Variants in ADAM22 observed in about 807,000 individuals in gnomAD.
ADAM22 encodes the protein ADAM metallopeptidase domain 22.
A neutral mutation model predicts 144.6 loss-of-function variants in ADAM22; 65 were observed. The observed-to-expected ratio is 0.45, with a 90% confidence interval of 0.37 to 0.55. ADAM22 has a LOEUF of 0.55. Among genes scored for constraint, ADAM22 ranks in the 20% least tolerant of loss-of-function variants. The pLI is 0.00. For missense variants in ADAM22, 974 were observed against 1,184.9 expected, an observed-to-expected ratio of 0.82 and a Z score of 2.61; for synonymous variants, 391 against 412.6, an observed-to-expected ratio of 0.95 and a Z score of 0.63.
chr7:88,011,121 C>G (rs938411972), intron 3 of ADAM22, among the ~76,000 whole-genome samples: 3 of 152,140 alleles, frequency 2.0e-5, no homozygotes, highest in Non-Finnish European at 4.4e-5. Flanking sequence ...ATTAGGAAAG[C>G]TAGTAGTTGA....
intron 3 of ADAM22, among the ~76,000 whole-genome samples, chr7:88,020,882 A>G (rs1797683359): frequency 6.6e-6 from 1 of 152,066 alleles, no homozygotes; most frequent in Non-Finnish European, 1.5e-5. Flanking sequence ...TTAGTACCCT[A>G]GTTGGGGATG....
chr7:88,091,289 A>G (rs745803553), intron 4 of ADAM22, among the ~76,000 whole-genome samples: 15 of 152,256 alleles, frequency 9.9e-5, no homozygotes, highest in Middle Eastern at 6.8e-3. Flanking sequence ...AGTTAATGAC[A>G]CTCATCTTAA....
At chr7:88,143,198 C>A in intron 15 of ADAM22, 73 bp downstream of exon 15, 1 of 1,089,382 alleles carries the variant, frequency 9.2e-7, no homozygotes, top group Non-Finnish European at 1.4e-6. Flanking sequence ...TACACATTTT[C>A]AGCTATTGAA....
chr7:87,953,925 T>C (rs1845926129), intron 2 of ADAM22, among the ~76,000 whole-genome samples: 2 of 152,286 alleles, frequency 1.3e-5, no homozygotes, highest in Admixed American at 6.5e-5. Flanking sequence ...TTGATCTTGG[T>C]TGGTTTAAAG....
At chr7:88,179,235 A>C (rs926310172) in intron 27 of ADAM22, 106 bp downstream of exon 27, 4 of 493,238 alleles carry the variant, frequency 8.1e-6, no homozygotes, top group Admixed American at 7.4e-5. Context: ...TCATTATACA[A>C]ATCAGGCCAC....
At chr7:88,045,180 G>A (rs1804285700) in intron 3 of ADAM22, among the ~76,000 whole-genome samples, 1 of 151,572 alleles carries the variant, frequency 6.6e-6, no homozygotes, top group Non-Finnish European at 1.5e-5. Context: ...ACCACACCGG[G>A]CTAATTTTTG....
At chr7:88,186,559 T>G in intron 29 of ADAM22, 56 bp from the exon 30 acceptor site, 3 of 1,152,254 alleles carry the variant, frequency 2.6e-6, no homozygotes, top group Non-Finnish European at 3.9e-6. Context: ...GTGCTGTGTA[T>G]TTTCAGATTT....
rs1018155488 is a variant in ADAM22, at chr7:88,197,968, C to T, written c.*1477C>T. 2 of 152,020 alleles carry T rather than the reference C, an allele frequency of 1.3e-5. No homozygotes were observed. Among genetic ancestry groups the T allele is most frequent in the South Asian group, 4.1e-4 (2 of 4,822 alleles). 9.4% of individuals were successfully genotyped at this position (152,020 alleles called of 1,614,324 possible). ...ATTTTAAAAGACCCTTCTTTAAAAC[C>T]AAAGTTTGATAGCTGTTATAATGGC... On this transcript the variant is annotated 3_prime_UTR_variant, in exon 32 of 32. Transcript: ENST00000413139.
intron 3 of ADAM22, among the ~76,000 whole-genome samples, chr7:88,047,447 G>A (rs778271683): frequency 6.6e-6 from 1 of 152,084 alleles, no homozygotes; most frequent in Non-Finnish European, 1.5e-5. Context: ...TCTACTGTCA[G>A]TTCTGTTTAT....
chr7:87,994,157 T>C (rs1057253769), intron 3 of ADAM22, among the ~76,000 whole-genome samples: 1 of 151,936 alleles, frequency 6.6e-6, no homozygotes, highest in Non-Finnish European at 1.5e-5. Context: ...AAATAGTTAC[T>C]GTCATTCCTT....
intron 3 of ADAM22, among the ~76,000 whole-genome samples, chr7:88,073,913 G>A (rs753266860): frequency 2.2e-4 from 33 of 152,228 alleles, no homozygotes; most frequent in South Asian, 4.1e-4. Context: ...ACAGTCATGA[G>A]TTCTGTTATG....
At chr7:88,192,765 A>G (rs1338789918) in intron 30 of ADAM22, among the ~76,000 whole-genome samples, 1 of 152,206 alleles carries the variant, frequency 6.6e-6, no homozygotes, top group East Asian at 1.9e-4. Context: ...AAGGCACAAT[A>G]TTAATATTTT....
At chr7:87,974,654 G>A (rs1206400273) in intron 2 of ADAM22, among the ~76,000 whole-genome samples, 1 of 152,182 alleles carries the variant, frequency 6.6e-6, no homozygotes, top group Non-Finnish European at 1.5e-5. Context: ...CAGTGATGCT[G>A]TATTAGTTTC....
Position 88,201,244 on chromosome 7 carries a change from A to T in ADAM22, c.*4753A>T, listed in dbSNP as rs1851183421. 6.6e-6 allele frequency: 1 copy of T among 152,184 alleles called. No homozygotes were observed. Among genetic ancestry groups the T allele is most frequent in the Non-Finnish European group, 1.5e-5 (1 of 68,022 alleles). 9.4% of individuals were successfully genotyped at this position (152,184 alleles called of 1,614,324 possible). A position where few individuals can be genotyped will look rare whatever the true frequency, so the allele number is the denominator to read the frequency against. On this transcript the variant is annotated 3_prime_UTR_variant, in exon 32 of 32. Transcript: ENST00000413139. ...TAGTACTTTTGTCCTTTATATCCCTAGGATGCTCTAGGGAGTAGAGGTGGC... is the reference window on the plus strand; with the variant it reads ...TAGTACTTTTGTCCTTTATATCCCTTGGATGCTCTAGGGAGTAGAGGTGGC...
At chr7:88,004,208 T>C (rs1344836933) in intron 3 of ADAM22, among the ~76,000 whole-genome samples, 1 of 152,188 alleles carries the variant, frequency 6.6e-6, no homozygotes, top group Non-Finnish European at 1.5e-5. Context: ...TGTTAGTCTA[T>C]CAGCTCAGTG....
intron 5 of ADAM22, among the ~76,000 whole-genome samples, chr7:88,113,119 C>CTTTTTTTTTT (rs34323035): frequency 6.3e-5 from 5 of 78,996 alleles, no homozygotes; most frequent in Non-Finnish European, 9.1e-5. Flanking sequence ...TGCCTGCCCT[C>CTTTTTTTTTT]TTTTTTTTTT....
chr7:88,013,977 CT>C (rs1221264725), intron 3 of ADAM22, among the ~76,000 whole-genome samples: 2 of 152,094 alleles, frequency 1.3e-5, no homozygotes, highest in Non-Finnish European at 1.5e-5. Flanking sequence ...AATTAATTCC[CT>C]TTTAAAATCT....
chr7:88,165,811 T>TA (rs1563371248), intron 23 of ADAM22, 21 bp from the exon 24 acceptor site: 2 of 1,542,198 alleles, frequency 1.3e-6, no homozygotes, highest in African/African-American at 2.8e-5. Flanking sequence ...ACATTTACTC[T>TA]AGCTTGATTT....
At chr7:87,942,135 A>T (rs1043143278) in intron 2 of ADAM22, among the ~76,000 whole-genome samples, 1 of 152,162 alleles carries the variant, frequency 6.6e-6, no homozygotes, top group Non-Finnish European at 1.5e-5. Context: ...GGGCTGGGGG[A>T]TGGAGCAGAA....
Sources: allele counts gnomAD v4.1 joint callset (sites outside exome capture counted in the v4.1 genomes callset), GRCh38; gene constraint gnomAD v4.1.1; transcripts MANE v1.5; gene names NCBI Gene and HGNC (gene_info 2026-07-23, HGNC 2026-07-21).